The following ZNF100 variants were observed in gnomAD, a reference collection of about 807,000 sequenced individuals.
ZNF100 encodes zinc finger protein 100, also known as zinc finger protein 100 (Y1).
Under a neutral mutation model 15.8 loss-of-function variants are expected in ZNF100, and 12 were observed. The ratio of observed to expected loss-of-function variants is 0.76; its 90% CI spans 0.49 to 1.23. The LOEUF is 1.23. ZNF100 is among the 50% of genes most tolerant of loss of function. The pLI, the probability that ZNF100 is intolerant of heterozygous loss-of-function variation, is 0.00. For synonymous variants in ZNF100, 226 were observed against 214.8 expected, an observed-to-expected ratio of 1.05 and a Z score of -0.45; for missense variants, 670 against 635.6, an observed-to-expected ratio of 1.05 and a Z score of -0.58.
chr19:21,746,057 T>C (rs1273063349), intron 2 of ZNF100, among the ~76,000 whole-genome samples: 2 of 152,204 alleles, frequency 1.3e-5, no homozygotes, highest in African/African-American at 2.4e-5. Flanking sequence ...TAAAGATGCC[T>C]AATAATGACA....
chr19:21,730,789 T>C (rs1446399006), intron 4 of ZNF100, among the ~76,000 whole-genome samples: 4 of 152,110 alleles, frequency 2.6e-5, no homozygotes, highest in Admixed American at 6.5e-5. Flanking sequence ...AAGACTGAGA[T>C]TGTATGGATT....
intron 4 of ZNF100, among the ~76,000 whole-genome samples, chr19:21,741,066 G>A (rs906136317): frequency 6.6e-6 from 1 of 152,082 alleles, no homozygotes; most frequent in Non-Finnish European, 1.5e-5. Context: ...ACATAAAATG[G>A]AATATTATAC....
chr19:21,743,961 C>A, intron 4 of ZNF100, 56 bp downstream of exon 4: 2 of 1,467,442 alleles, frequency 1.4e-6, no homozygotes, highest in East Asian at 2.7e-5. Context: ...GACCAGCTTT[C>A]TTTTTGACCT....
intron 3 of ZNF100, among the ~76,000 whole-genome samples, chr19:21,744,611 C>G (rs928165043): frequency 2.6e-5 from 4 of 151,922 alleles, no homozygotes; most frequent in African/African-American, 9.7e-5. Flanking sequence ...ACCTCGTGAC[C>G]CGCCTGCCTC....
At chr19:21,761,999 T>C (rs1599409436) in intron 2 of ZNF100, among the ~76,000 whole-genome samples, 2 of 152,202 alleles carry the variant, frequency 1.3e-5, no homozygotes, top group East Asian at 3.9e-4. Context: ...GGCAGATCAC[T>C]TGAGGTTAAG....
In ZNF100 at chr19:21,765,739, G is replaced by C; in HGVS notation, c.51C>G (p.Cys17Trp). Residue 17 changes from cysteine (C) to tryptophan (W), a missense_variant, in exon 2 of 5, where the codon TGC becomes TGG. Cys to Trp is a radical substitution (Grantham distance 215, BLOSUM62 -2). Coordinates refer to ENST00000358296, the MANE Select transcript of ZNF100 (RefSeq NM_173531.4). ...GMCPLKGASG[C>W]PGAERSLLVQ... ...CCAGAAGACTCCTCTCAGCCCCAGGGCATCCACTTGCTCCCTTGAGAGGAC... is the reference window on the plus strand; with the variant it reads ...CCAGAAGACTCCTCTCAGCCCCAGGCCATCCACTTGCTCCCTTGAGAGGAC... The C allele has an allele frequency of 6.8e-6, 11 of 1,614,110 alleles. No individual in the cohort carries two copies. The highest frequency in any genetic ancestry group is 9.3e-6 in the Non-Finnish European group (11 of 1,180,024).
rs527410931 is a variant in ZNF100 at position 21,724,923 on chromosome 19, T to G, written c.*1760A>C. 1 of 152,112 alleles carries G rather than the reference T, an allele frequency of 6.6e-6. No homozygotes were observed. Among genetic ancestry groups the G allele is most frequent in the East Asian group, 1.9e-4 (1 of 5,176 alleles). 9.4% of individuals were successfully genotyped at this position (152,112 alleles called of 1,614,324 possible). Reference sequence around the variant, plus strand: ...AAAATTAGCTGGGCATGGTGGTGGGTGCCTGTAATCCCAGCTACTTAGGAG... The same window carrying G: ...AAAATTAGCTGGGCATGGTGGTGGGGGCCTGTAATCCCAGCTACTTAGGAG... On this transcript the variant is annotated 3_prime_UTR_variant, in exon 5 of 5. Coordinates refer to ENST00000358296, the MANE Select transcript of ZNF100 (RefSeq NM_173531.4).
chr19:21,761,627 CTACA>C (rs1205455957), intron 2 of ZNF100, among the ~76,000 whole-genome samples: 6 of 151,906 alleles, frequency 3.9e-5, no homozygotes, highest in Non-Finnish European at 8.8e-5. Context: ...ATTATTCTTG[CTACA>C]CTTTATAGAA....
At chr19:21,730,913 AATAG>A (rs939967480) in intron 4 of ZNF100, among the ~76,000 whole-genome samples, 2 of 152,180 alleles carry the variant, frequency 1.3e-5, no homozygotes, top group African/African-American at 4.8e-5. Context: ...AGATAGAAAT[AATAG>A]ATATTTTGAA....
intron 2 of ZNF100, among the ~76,000 whole-genome samples, chr19:21,747,548 G>C (rs895330126): frequency 1.3e-5 from 2 of 151,908 alleles, no homozygotes; most frequent in African/African-American, 2.4e-5. Context: ...TGCCAATGCT[G>C]ATGTTGCTCC....
Position 21,744,006 on chromosome 19 carries a change from C to T in ZNF100, c.322+11G>A, listed in dbSNP as rs543442301. 6 of 1,596,824 alleles carry T rather than the reference C, an allele frequency of 3.8e-6. No individual in the cohort carries two copies. The South Asian group carries it at 6.7e-5, about 18-fold the overall frequency. On this transcript the variant is annotated intron_variant, in intron 4 of 4. Transcript: ENST00000358296. ...ACATCTGTGTCATCTGTTGTGTTCA[C>T]TCTCACCTACCTGGGGGTTTGGCTA...
chr19:21,726,115 A>G lies in ZNF100; in HGVS notation c.*568T>C, dbSNP rs1414591375. On this transcript the variant is annotated 3_prime_UTR_variant, in exon 5 of 5. Coordinates refer to ENST00000358296, the MANE Select transcript of ZNF100 (RefSeq NM_173531.4). ...TCTGTGATACAAGTAAACATATTACAATTCTACTACAATGTTCTTCTTCAA... is the reference window on the plus strand; with the variant it reads ...TCTGTGATACAAGTAAACATATTACGATTCTACTACAATGTTCTTCTTCAA... 3 of 152,630 alleles carry G rather than the reference A, an allele frequency of 2.0e-5. No homozygotes were observed. The highest frequency in any genetic ancestry group is 7.2e-5 in the African/African-American group (3 of 41,572). 9.5% of individuals were successfully genotyped at this position (152,630 alleles called of 1,614,324 possible). A position where few individuals can be genotyped will look rare whatever the true frequency, so the allele number is the denominator to read the frequency against.
chr19:21,756,966 C>G (rs1680689951), intron 2 of ZNF100, among the ~76,000 whole-genome samples: 1 of 152,170 alleles, frequency 6.6e-6, no homozygotes, highest in Non-Finnish European at 1.5e-5. Context: ...TTTGACAAAG[C>G]TGACAAGAGG....
At chr19:21,728,928 C>A (rs1418158020) in intron 4 of ZNF100, among the ~76,000 whole-genome samples, 18 of 150,484 alleles carry the variant, frequency 1.2e-4, no homozygotes, top group Admixed American at 1.1e-3. Context: ...TTTAGAATAT[C>A]AAAAAAACAA....
At chr19:21,729,297 T>C (rs2035871014) in intron 4 of ZNF100, among the ~76,000 whole-genome samples, 1 of 151,914 alleles carries the variant, frequency 6.6e-6, no homozygotes, top group African/African-American at 2.4e-5. Flanking sequence ...CTTTCAAAAG[T>C]AACAAAATTC....
rs1456259665 is a variant in ZNF100, at chr19:21,724,632, T to C, written c.*2051A>G. ...TACAAAGGATAAATACTAGAGGTGA[T>C]GGATACCTCATTTACCCTGATGTGA... On this transcript the variant is annotated 3_prime_UTR_variant, in exon 5 of 5. Coordinates refer to ENST00000358296, the MANE Select transcript of ZNF100 (RefSeq NM_173531.4). The C allele has an allele frequency of 7.2e-5, 11 of 151,860 alleles. No homozygotes were observed. Among genetic ancestry groups the C allele is most frequent in the African/African-American group, 1.7e-4 (7 of 41,256 alleles). The allele number at this position is 151,860 out of a possible 1,614,324, so 9.4% of individuals were successfully genotyped here.
At chr19:21,760,321 C>T (rs944420247) in intron 2 of ZNF100, among the ~76,000 whole-genome samples, 2 of 151,786 alleles carry the variant, frequency 1.3e-5, no homozygotes, top group Non-Finnish European at 2.9e-5. Context: ...GGTGAAACCC[C>T]GTCTCTATTA....
At chr19:21,750,776 C>G in intron 2 of ZNF100, 1 of 371,326 alleles carries the variant, frequency 2.7e-6, no homozygotes, top group East Asian at 4.1e-5. Context: ...GGGGGAGGGG[C>G]GGCTGCTGAG....
chr19:21,726,583 G>T lies in ZNF100; in HGVS notation c.*100C>A. On this transcript the variant is annotated 3_prime_UTR_variant, in exon 5 of 5. Coordinates refer to ENST00000358296, the MANE Select transcript of ZNF100 (RefSeq NM_173531.4). ...TGTTAGGAATTGAGAATTTATTAAA[G>T]GCTTTGCCATATTCTTCACAGTCAC... 1 of 1,064,700 alleles carries T rather than the reference G, an allele frequency of 9.4e-7. No individual in the cohort carries two copies. The highest frequency in any genetic ancestry group is 1.4e-6 in the Non-Finnish European group (1 of 740,364). The allele number at this position is 1,064,700 out of a possible 1,614,324, so 66.0% of individuals were successfully genotyped here. A position where few individuals can be genotyped will look rare whatever the true frequency, so the allele number is the denominator to read the frequency against.
Sources: gnomAD v4.1 joint callset for allele counts (sites outside exome capture counted in the v4.1 genomes callset) on GRCh38, gnomAD v4.1.1 for gene constraint, MANE v1.5 for transcripts, NCBI Gene and HGNC (gene_info 2026-07-23, HGNC 2026-07-21) for gene names.